The following TEN1 variants were observed in gnomAD, a reference collection of about 807,000 sequenced individuals.
TEN1 encodes the protein TEN1 subunit of CST complex.
A neutral mutation model predicts 9.3 loss-of-function variants in TEN1; 6 were observed. The ratio of observed to expected loss-of-function variants is 0.65; its 90% confidence interval spans 0.35 to 1.27. The LOEUF is 1.27. Among genes scored for constraint, TEN1 ranks in the 50% most tolerant of loss-of-function variants. TEN1 has a pLI of 0.03. For synonymous variants in TEN1, 65 were observed against 65.6 expected (o/e 0.99, Z 0.04); for missense variants, 149 against 158.2 (o/e 0.94, Z 0.31).
At chr17:75,994,492 C>T (rs1484334983) in intron 3 of TEN1, among the ~76,000 whole-genome samples, 2 of 151,068 alleles carry the variant, frequency 1.3e-5, no homozygotes, top group African/African-American at 4.8e-5. Flanking sequence ...TTTTGTGAGA[C>T]GGAGTCTCAC....
rs750169662 is a variant in TEN1 at position 75,991,515 on chromosome 17, C to T, written c.142C>T (p.His48Tyr). Reference sequence around the variant, plus strand: ...GTCCAGAGTAACACTGATGGCTCAGCACGGATCCGATCAGCACCAGGTTCT... The same window carrying T: ...GTCCAGAGTAACACTGATGGCTCAGTACGGATCCGATCAGCACCAGGTTCT... ...IQSRVTLMAQHGSDQHQVLVC... is the reference protein window; with the variant it reads ...IQSRVTLMAQYGSDQHQVLVC... Residue 48 changes from histidine (H) to tyrosine (Y), a missense_variant, in exon 3 of 4, where the codon CAC (histidine) becomes TAC (tyrosine). Transcript: ENST00000397640. 20 of 1,552,238 alleles carry T rather than the reference C, an allele frequency of 1.3e-5. No individual in the cohort carries two copies. In the South Asian group the frequency reaches 2.4e-4, roughly 18 times the overall value.
intron 1 of TEN1, among the ~76,000 whole-genome samples, chr17:75,979,878 G>A (rs1598207870): frequency 1.3e-5 from 2 of 151,398 alleles, no homozygotes; most frequent in African/African-American, 2.4e-5. Context: ...AGGGGTGGAC[G>A]GGGACTTAGA....
In TEN1 at chr17:76,000,169, G is replaced by A. The variant is rs899399371; in HGVS notation, c.279G>A (p.Val93=). The change falls in exon 4 of 4, where the codon GTG becomes GTA. Residue 93 remains valine (V), a synonymous_variant. Transcript: ENST00000397640. The surrounding 1 kb of genome is among the most constrained non-coding windows in gnomAD (Gnocchi z 5.9). Reference sequence around the variant, plus strand: ...GAGGCTCCGTGGTGAAGGCGCGCGTGCTGACCTGTGTGGAGGGGATGAACC... The same window carrying A: ...GAGGCTCCGTGGTGAAGGCGCGCGTACTGACCTGTGTGGAGGGGATGAACC... The part of the protein sequence containing the change: ...QDRGSVVKAR[V]LTCVEGMNLP... 2.1e-5 allele frequency: 32 copies of A among 1,551,390 alleles called. No individual in the cohort carries two copies. The highest frequency in any genetic ancestry group is 2.7e-5 in the African/African-American group (2 of 73,032).
chr17:75,986,699 C>T (rs1316601585), intron 2 of TEN1, among the ~76,000 whole-genome samples: 1 of 151,088 alleles, frequency 6.6e-6, no homozygotes, highest in Non-Finnish European at 1.5e-5. Context: ...AAAACTCTGT[C>T]TCAAAAAATA....
intron 3 of TEN1, among the ~76,000 whole-genome samples, chr17:75,999,445 C>T (rs1818432880): frequency 6.6e-6 from 1 of 152,054 alleles, no homozygotes; most frequent in Non-Finnish European, 1.5e-5. Flanking sequence ...TGGGTTCAAG[C>T]AATTCTCCTG....
intron 3 of TEN1, among the ~76,000 whole-genome samples, chr17:75,998,169 CTTT>C (rs1555622204): frequency 5.2e-5 from 7 of 135,696 alleles, no homozygotes; most frequent in African/African-American, 5.4e-5. Flanking sequence ...TTTTTTTTTC[CTTT>C]TTTTTTTTTT....
intron 2 of TEN1, among the ~76,000 whole-genome samples, chr17:75,991,219 A>G (rs149733237): frequency 1.3e-5 from 2 of 152,226 alleles, no homozygotes; most frequent in African/African-American, 4.8e-5. Context: ...CAAAATTAAA[A>G]GCTTCTGCTT....
chr17:75,986,403 CT>C, intron 2 of TEN1, 119 bp downstream of exon 2: 1 of 1,032,184 alleles, frequency 9.7e-7, no homozygotes, highest in Non-Finnish European at 1.3e-6. Flanking sequence ...TGTTAAAATA[CT>C]AAAAAAAAAA....
At chr17:75,988,822 G>A (rs2066168047) in intron 2 of TEN1, among the ~76,000 whole-genome samples, 1 of 151,996 alleles carries the variant, frequency 6.6e-6, no homozygotes, top group South Asian at 2.1e-4. Context: ...CCAGGCTGGA[G>A]TGCAGTGGTG....
chr17:75,988,738 T>A (rs2066167585), intron 2 of TEN1, among the ~76,000 whole-genome samples: 1 of 152,080 alleles, frequency 6.6e-6, no homozygotes, highest in African/African-American at 2.4e-5. Flanking sequence ...CCATTTTGTT[T>A]CACTGTGGTG....
chr17:75,996,887 C>T (rs1288486952), intron 3 of TEN1, among the ~76,000 whole-genome samples: 3 of 152,108 alleles, frequency 2.0e-5, no homozygotes, highest in African/African-American at 7.2e-5. Context: ...CACACACCCA[C>T]AGAGTCTGGA....
chr17:75,999,787 C>T (rs1410059498), intron 3 of TEN1, among the ~76,000 whole-genome samples: 3 of 152,120 alleles, frequency 2.0e-5, no homozygotes, highest in Admixed American at 2.0e-4. Context: ...TGACCTGCTC[C>T]TATAAAGCCA....
chr17:75,996,239 A>G (rs1483757266), intron 3 of TEN1, among the ~76,000 whole-genome samples: 1 of 152,236 alleles, frequency 6.6e-6, no homozygotes, highest in Middle Eastern at 3.4e-3. Context: ...TAATCCCAGC[A>G]CTTTGGGAGG....
rs2066185639 is a variant in TEN1, at chr17:75,991,536, G to T, written c.163G>T (p.Val55Phe). 4 of 1,552,338 alleles carry T rather than the reference G, an allele frequency of 2.6e-6. No homozygotes were observed. Among genetic ancestry groups the T allele is most frequent in the Non-Finnish European group, 3.5e-6 (4 of 1,147,136 alleles). ...MAQHGSDQHQVLVCTKLVEPF... is the reference protein window; with the variant it reads ...MAQHGSDQHQFLVCTKLVEPF... ...TCAGCACGGATCCGATCAGCACCAG[G>T]TTCTTGTCTGTACCAAGTTGGTGGA... is the stretch of plus-strand genomic sequence containing the variant. The change falls in exon 3 of 4, where the codon GTT (valine) becomes TTT (phenylalanine). Residue 55 changes from valine to phenylalanine, a missense_variant. Transcript: ENST00000397640.
intron 3 of TEN1, among the ~76,000 whole-genome samples, chr17:75,996,552 A>T (rs1297349978): frequency 6.6e-6 from 1 of 151,530 alleles, no homozygotes; most frequent in African/African-American, 2.4e-5. Context: ...AAAAAATGCA[A>T]AAATTAGCAG....
chr17:75,985,203 A>G (rs1483950111), intron 1 of TEN1, among the ~76,000 whole-genome samples: 2 of 152,318 alleles, frequency 1.3e-5, no homozygotes, highest in East Asian at 1.9e-4. Flanking sequence ...GCTACAGTAT[A>G]GTGGTGTGAT....
intron 2 of TEN1, among the ~76,000 whole-genome samples, chr17:75,986,837 T>A (rs1305431623): frequency 6.6e-6 from 1 of 152,066 alleles, no homozygotes; most frequent in Non-Finnish European, 1.5e-5. Flanking sequence ...AGACAACCAC[T>A]GCTAACCTTT....
At chr17:75,993,251 G>A (rs1401218090) in intron 3 of TEN1, among the ~76,000 whole-genome samples, 2 of 151,574 alleles carry the variant, frequency 1.3e-5, no homozygotes, top group Admixed American at 6.6e-5. Context: ...CTACAGGCAT[G>A]CGCCACCACG....
rs571951990 is a variant in TEN1 at position 75,993,605 on chromosome 17, C to T, written c.250+1982C>T. ...GTGCCTAGGCTGGCCTGATCAATGT[C>T]GACGTGATAAAAATCAGAAGGGCAA... is the stretch of plus-strand genomic sequence containing the variant. On this transcript the variant is annotated intron_variant, in intron 3 of 3. Transcript: ENST00000397640. Among the ~76,000 whole-genome samples, 7 of 152,228 alleles carry T rather than the reference C, an allele frequency of 4.6e-5. No homozygotes were observed. The East Asian group carries it at 9.6e-4, about 21-fold the overall frequency.
Sources: allele counts gnomAD v4.1 joint callset (sites outside exome capture counted in the v4.1 genomes callset), GRCh38; gene constraint gnomAD v4.1.1; non-coding constraint Gnocchi (gnomAD v3.1); transcripts MANE v1.5; gene names NCBI Gene and HGNC (gene_info 2026-07-23, HGNC 2026-07-21).